The following FNDC3B variants were observed in gnomAD, a reference collection of about 807,000 sequenced individuals.
FNDC3B encodes the protein fibronectin type III domain-containing protein 3B.
In FNDC3B, 12 loss-of-function variants were observed where a neutral mutation model predicts 151.5. That is an observed-to-expected ratio of 0.08 (90% confidence interval 0.05 to 0.13). The LOEUF (loss-of-function observed/expected upper bound fraction) is 0.13. Among genes scored for constraint, FNDC3B ranks in the 10% least tolerant of loss-of-function variants. The pLI, the probability that FNDC3B is intolerant of heterozygous loss-of-function variation, is 1.00. For synonymous variants in FNDC3B, 528 were observed against 549.0 expected, an observed-to-expected ratio of 0.96 and a Z score of 0.54; for missense variants, 1,214 against 1,505.3, an observed-to-expected ratio of 0.81 and a Z score of 3.20.
Position 172,335,097 on chromosome 3 carries a change from T to C in FNDC3B, c.1780+15T>C. On this transcript the variant is annotated intron_variant, in intron 15 of 25. Coordinates refer to ENST00000415807, the MANE Select transcript of FNDC3B (RefSeq NM_022763.4). ...TGTCAAATGGGGTATGTTTTGCTGC[T>C]GCTGCTACTGTTTTTTTTTTTTTTT... 6.5e-7 allele frequency: 1 copy of C among 1,531,780 alleles called. No individual in the cohort carries two copies. The highest frequency in any genetic ancestry group is 8.7e-7 in the Non-Finnish European group (1 of 1,145,168). The allele number at this position is 1,531,780 out of a possible 1,614,324, so 94.9% of individuals were successfully genotyped here. A position where few individuals can be genotyped will look rare whatever the true frequency, so the allele number is the denominator to read the frequency against.
At position 172,101,262 on chromosome 3, in the gene FNDC3B, AT is replaced by A. The variant is rs1235072531; in HGVS notation, c.-28-11188del. On this transcript the variant is annotated intron_variant, in intron 1 of 25. Transcript: ENST00000415807. ...CACAGCTGGGAAACCAAATTTAGAC[AT>A]TGGGGCTTATCTCAGATGAAAGGTT... 7.2e-5 allele frequency among the ~76,000 whole-genome samples: 11 copies of A among 152,336 alleles called. No homozygotes were observed. In the East Asian group the frequency reaches 2.1e-3, roughly 29 times the overall value.
intron 3 of FNDC3B, among the ~76,000 whole-genome samples, chr3:172,172,083 C>CA (rs1194317834): frequency 6.6e-6 from 1 of 152,216 alleles, no homozygotes; most frequent in Non-Finnish European, 1.5e-5. Flanking sequence ...TACCTGCAAA[C>CA]ATATGCTCTG....
intron 4 of FNDC3B, among the ~76,000 whole-genome samples, chr3:172,231,717 C>T (rs920343926): frequency 6.6e-6 from 1 of 152,098 alleles, no homozygotes; most frequent in African/African-American, 2.4e-5. Flanking sequence ...TTACACTGAC[C>T]TCTTTCCCAT....
At chr3:172,262,868 G>A (rs1011379614) in intron 6 of FNDC3B, among the ~76,000 whole-genome samples, 2 of 111,724 alleles carry the variant, frequency 1.8e-5, no homozygotes, top group East Asian at 3.0e-4. Flanking sequence ...CTGCCCTTTC[G>A]CCTAGATGAC....
At chr3:172,328,476 C>T (rs939493174) in intron 11 of FNDC3B, among the ~76,000 whole-genome samples, 3 of 152,170 alleles carry the variant, frequency 2.0e-5, no homozygotes, top group Non-Finnish European at 4.4e-5. Context: ...GTATGGCACA[C>T]TCAGCTGCAG....
chr3:172,298,494 T>C (rs1730749457), intron 8 of FNDC3B, among the ~76,000 whole-genome samples: 7 of 152,262 alleles, frequency 4.6e-5, no homozygotes. Flanking sequence ...AGAATTTTAT[T>C]AGTAAGTTAA....
intron 3 of FNDC3B, chr3:172,187,095 T>A (rs2108662492): frequency 4.6e-6 from 1 of 219,398 alleles, no homozygotes; most frequent in Non-Finnish European, 8.9e-6. Context: ...CCTTGAGAAG[T>A]CCTTCATGGA....
chr3:172,041,463 C>T (rs1362723467), intron 1 of FNDC3B, among the ~76,000 whole-genome samples: 1 of 145,080 alleles, frequency 6.9e-6, no homozygotes, highest in Non-Finnish European at 1.5e-5. Context: ...CTCTTCTCCT[C>T]CTCCTCCTTC....
intron 3 of FNDC3B, among the ~76,000 whole-genome samples, chr3:172,172,878 G>A (rs1029129560): frequency 7.2e-5 from 11 of 152,166 alleles, no homozygotes; most frequent in Admixed American, 6.5e-4. Context: ...GAAAGAATAA[G>A]GAAAGTTTAG....
intron 16 of FNDC3B, among the ~76,000 whole-genome samples, chr3:172,339,533 A>T (rs1301895913): frequency 6.6e-6 from 1 of 152,196 alleles, no homozygotes; most frequent in Non-Finnish European, 1.5e-5. Flanking sequence ...ACTGCACTTA[A>T]GCCTGGGCGA....
chr3:172,066,008 T>C (rs571508947), intron 1 of FNDC3B, among the ~76,000 whole-genome samples: 1 of 152,310 alleles, frequency 6.6e-6, no homozygotes, highest in East Asian at 1.9e-4. Flanking sequence ...TTCTTAGTAT[T>C]TACAAAGGAT....
At chr3:172,157,525 C>T (rs1722553068) in intron 3 of FNDC3B, among the ~76,000 whole-genome samples, 1 of 152,216 alleles carries the variant, frequency 6.6e-6, no homozygotes, top group Non-Finnish European at 1.5e-5. Context: ...AAAAGGCTCT[C>T]TTGTGCTAGC....
intron 6 of FNDC3B, among the ~76,000 whole-genome samples, chr3:172,280,694 A>C (rs1729664044): frequency 6.6e-6 from 1 of 151,640 alleles, no homozygotes; most frequent in Non-Finnish European, 1.5e-5. Context: ...TTCTTTTCTA[A>C]GAAGGAAAAA....
chr3:172,159,983 G>A (rs1056908292), intron 3 of FNDC3B, among the ~76,000 whole-genome samples: 3 of 152,136 alleles, frequency 2.0e-5, no homozygotes, highest in South Asian at 2.1e-4. Context: ...AAATGGGCTG[G>A]CACATCTGCA....
chr3:172,070,974 T>G (rs1717748159), intron 1 of FNDC3B, among the ~76,000 whole-genome samples: 1 of 152,184 alleles, frequency 6.6e-6, no homozygotes, highest in Non-Finnish European at 1.5e-5. Context: ...CAAAAATTGG[T>G]CAGGATTATG....
At position 172,084,013 on chromosome 3, in the gene FNDC3B, A is replaced by C. The variant is rs371987751; in HGVS notation, c.-28-28439A>C. 1.1e-3 allele frequency among the ~76,000 whole-genome samples: 165 copies of C among 152,330 alleles called. 1 individual carries two copies. The highest frequency in any genetic ancestry group is 3.7e-3 in the African/African-American group (155 of 41,578). ...TTCAGACAATAGAGAGGTATAAAAA[A>C]GTAAAAGCCTCTCCTAGAGTTCATG... On this transcript the variant is annotated intron_variant, in intron 1 of 25. Transcript: ENST00000415807.
At chr3:172,242,121 G>C (rs1727526242) in intron 4 of FNDC3B, among the ~76,000 whole-genome samples, 2 of 152,204 alleles carry the variant, frequency 1.3e-5, no homozygotes, top group African/African-American at 4.8e-5. Flanking sequence ...CTCACATCTA[G>C]GTCACACTGA....
At position 172,362,430 on chromosome 3, in the gene FNDC3B, T is replaced by C. The variant is rs377585265; in HGVS notation, c.2796-203T>C. Among the ~76,000 whole-genome samples the C allele has an allele frequency of 9.4e-3, 474 of 50,316 alleles. 2 individuals are homozygous for C. Among genetic ancestry groups the C allele is most frequent in the African/African-American group, 0.028 (454 of 16,218 alleles). 33.0% of individuals were successfully genotyped at this position (50,316 alleles called of 152,430 possible). On this transcript the variant is annotated intron_variant, in intron 22 of 25. Transcript: ENST00000415807. ...TCTTGCTACCGTGCTTTTTTGCTATTTTTTTTTTAAATGGAGACTATAGTC... is the reference window on the plus strand; with the variant it reads ...TCTTGCTACCGTGCTTTTTTGCTATCTTTTTTTTAAATGGAGACTATAGTC...
chr3:172,295,654 T>C (rs1249620927), intron 8 of FNDC3B, 140 bp downstream of exon 8: 1 of 716,816 alleles, frequency 1.4e-6, no homozygotes, highest in African/African-American at 1.8e-5. Context: ...ATAATTATAA[T>C]GCTAAGAATT....
Sources: gnomAD v4.1 joint callset for allele counts (sites outside exome capture counted in the v4.1 genomes callset) on GRCh38, gnomAD v4.1.1 for gene constraint, MANE v1.5 for transcripts, NCBI Gene and HGNC (gene_info 2026-07-23, HGNC 2026-07-21) for gene names.